The following PRR5 variants were observed in gnomAD, a reference collection of about 807,000 sequenced individuals.
PRR5 encodes the protein proline rich 5.
A neutral mutation model predicts 30.6 loss-of-function variants in PRR5; 25 were observed. The observed-to-expected ratio is 0.82, with a 90% CI of 0.60 to 1.14. The LOEUF is 1.14. Among genes scored for constraint, PRR5 ranks in the 50% most tolerant of loss-of-function variants. PRR5 has a pLI of 0.00. For missense variants in PRR5, 600 were observed against 547.1 expected, an observed-to-expected ratio of 1.10 and a Z score of -0.96; for synonymous variants, 286 against 247.1, an observed-to-expected ratio of 1.16 and a Z score of -1.48.
intron 1 of PRR5, among the ~76,000 whole-genome samples, chr22:44,681,652 G>A (rs990069207): frequency 6.6e-6 from 1 of 152,132 alleles, no homozygotes; most frequent in Admixed American, 6.5e-5. Context: ...GACAGTGCAG[G>A]CACAGCTCTG....
intron 1 of PRR5, among the ~76,000 whole-genome samples, chr22:44,696,428 C>A (rs1925750407): frequency 6.6e-6 from 1 of 152,216 alleles, no homozygotes. Flanking sequence ...TGTTCAAGAC[C>A]TGGCTGACAG....
In PRR5 at chr22:44,731,774, T is replaced by C. The variant is rs779869976; in HGVS notation, c.367T>C (p.Phe123Leu). The C allele has an allele frequency of 6.8e-6, 11 of 1,613,644 alleles. No homozygotes were observed. Among genetic ancestry groups the C allele is most frequent in the Non-Finnish European group, 9.3e-6 (11 of 1,180,022 alleles). ...DSLAETWDFF[F>L]SDVLPMLQAI... is the part of the protein sequence containing the mutation. ...ACTGGCAGAGACCTGGGACTTCTTC[T>C]TCAGTGACGTGCTGCCCATGCTGCA... is the stretch of plus-strand genomic sequence containing the variant. Residue 123 changes from phenylalanine to leucine, a missense_variant, in exon 5 of 8, where the codon TTC (phenylalanine) becomes CTC (leucine). Transcript: ENST00000336985.
chr22:44,736,689 C>T, intron 7 of PRR5, 83 bp from the exon 8 acceptor site: 1 of 1,491,906 alleles, frequency 6.7e-7, no homozygotes, highest in Non-Finnish European at 8.9e-7. Context: ...GCACAGGGAC[C>T]CAGTGTGCAG....
chr22:44,730,359 G>A (rs1921721627), intron 4 of PRR5: 4 of 984,842 alleles, frequency 4.1e-6, no homozygotes, highest in Non-Finnish European at 4.8e-6. Flanking sequence ...GGGGACAGCA[G>A]AGGCCTTGGG....
At chr22:44,676,471 G>C (rs912608970), upstream of PRR5, among the ~76,000 whole-genome samples, 5 of 151,472 alleles carry the variant, frequency 3.3e-5, no homozygotes, top group Admixed American at 3.3e-4. Context: ...AACTGGCTCA[G>C]AGAGTGTGAT....
At position 44,737,343 on chromosome 22, in the gene PRR5, C is replaced by T. The variant is rs73889722; in HGVS notation, c.*96C>T. ...TGAGTGAGACTTTTTTACTGCGTCC[C>T]GTCCCGCCAGCCCTATCGGCCTCGT... On this transcript the variant is annotated 3_prime_UTR_variant, in exon 8 of 8. Transcript: ENST00000336985. 3.0e-3 allele frequency: 4,394 copies of T among 1,475,656 alleles called. 106 individuals are homozygous for T. The African/African-American group carries it at 0.05, about 17-fold the overall frequency. The allele number at this position is 1,475,656 out of a possible 1,614,324, so 91.4% of individuals were successfully genotyped here.
At chr22:44,731,922 C>T (rs1273000163) in intron 5 of PRR5, 101 bp downstream of exon 5, 23 of 1,232,874 alleles carry the variant, frequency 1.9e-5, no homozygotes, top group South Asian at 1.4e-5. Flanking sequence ...GACACACACA[C>T]CTGCTCTGCT....
At chr22:44,734,548 G>T (rs132405) in intron 6 of PRR5, 80,084 of 154,214 alleles carry the variant, frequency 0.52, 23,926 homozygotes, top group Non-Finnish European at 0.66. Flanking sequence ...AGATGATGGC[G>T]TGAGCCAGTG....
rs538937351 is a variant in PRR5 at position 44,688,417 on chromosome 22, T to C, written c.-11+11177T>C. On this transcript the variant is annotated intron_variant, in intron 1 of 8. Coordinates refer to the PRR5 transcript ENST00000006251. ...AAAATATTTCCTGCAATGTTACTATTATACTAGTTAGAGTGCAACTAGTAG... is the reference window on the plus strand; with the variant it reads ...AAAATATTTCCTGCAATGTTACTATCATACTAGTTAGAGTGCAACTAGTAG... Among the ~76,000 whole-genome samples, 62 of 152,240 alleles carry C rather than the reference T, an allele frequency of 4.1e-4. No homozygotes were observed. The South Asian group carries it at 0.012, about 30-fold the overall frequency.
At position 44,702,409 on chromosome 22, in the gene PRR5, G is replaced by C. The variant is rs1372253936; in HGVS notation, c.-66G>C. 2 of 1,234,446 alleles carry C rather than the reference G, an allele frequency of 1.6e-6. No individual in the cohort carries two copies. The allele number at this position is 1,234,446 out of a possible 1,614,324, so 76.5% of individuals were successfully genotyped here. On this transcript the variant is annotated 5_prime_UTR_variant, in exon 1 of 8. Transcript: ENST00000336985. Reference sequence around the variant, plus strand: ...GGCGCATCGCCGGCCCGGGGCCCTTGGTGCGGCGTGGCGCAGGGCGCGGCG... The same window carrying C: ...GGCGCATCGCCGGCCCGGGGCCCTTCGTGCGGCGTGGCGCAGGGCGCGGCG...
chr22:44,702,424 AGGGCGCGGCGTGGGGCGCGCGT>A lies in PRR5; in HGVS notation c.-40_-19del, dbSNP rs766763745. ...CGGGGCCCTTGGTGCGGCGTGGCGCAGGGCGCGGCGTGGGGCGCGCGTGGGCGCGGCGCAGGCGGCCCGGGTC... is the reference window on the plus strand; with the variant it reads ...CGGGGCCCTTGGTGCGGCGTGGCGCAGGGCGCGGCGCAGGCGGCCCGGGTC... On this transcript the variant is annotated 5_prime_UTR_variant, in exon 1 of 8. Transcript: ENST00000336985. 272 of 1,258,874 alleles carry A rather than the reference AGGGCGCGGCGTGGGGCGCGCGT, an allele frequency of 2.2e-4. 5 individuals are homozygous for A. Among genetic ancestry groups the A allele is most frequent in the South Asian group, 2.1e-3 (66 of 31,312 alleles). 78.0% of individuals were successfully genotyped at this position (1,258,874 alleles called of 1,614,324 possible).
chr22:44,688,856 T>C (rs543890613), intron 1 of PRR5, among the ~76,000 whole-genome samples: 2 of 152,138 alleles, frequency 1.3e-5, no homozygotes, highest in South Asian at 2.1e-4. Context: ...GGCATGGTGG[T>C]GCACGCCTGT....
intron 7 of PRR5, 133 bp downstream of exon 7, chr22:44,735,295 GC>G: frequency 2.3e-6 from 3 of 1,302,124 alleles, no homozygotes; most frequent in African/African-American, 3.0e-5. Flanking sequence ...CCGGGCAGCA[GC>G]CCCCAGCCTG....
At chr22:44,732,830 CATA>C (rs1254896500) in intron 6 of PRR5, among the ~76,000 whole-genome samples, 2 of 66,302 alleles carry the variant, frequency 3.0e-5, no homozygotes, top group East Asian at 6.5e-4. Context: ...TGTGCACGCA[CATA>C]CTACACACGT....
intron 1 of PRR5, among the ~76,000 whole-genome samples, chr22:44,693,281 T>A (rs12167480): frequency 6.6e-6 from 1 of 151,994 alleles, no homozygotes; most frequent in Non-Finnish European, 1.5e-5. Context: ...CTTGGCAACA[T>A]AGAAAGACCC....
At position 44,726,612 on chromosome 22, in the gene PRR5, G is replaced by A; in HGVS notation, c.300G>A (p.Arg100=). 6.2e-7 allele frequency: 1 copy of A among 1,614,134 alleles called. No individual in the cohort carries two copies. The highest frequency in any genetic ancestry group is 1.3e-5 in the African/African-American group (1 of 75,052). The stretch of plus-strand genomic sequence containing the variant: ...TGACAAAAGGCATGGTGATCCTTCG[G>A]GACAAGATTCGCTTCTATGAGGGTG... The part of the protein sequence containing the change: ...QLLTKGMVIL[R]DKIRFYEGQK... The change falls in exon 4 of 8, where the codon CGG becomes CGA. Residue 100 remains arginine, a synonymous_variant. Coordinates refer to ENST00000336985, the MANE Select transcript of PRR5 (RefSeq NM_181333.4).
intron 7 of PRR5, among the ~76,000 whole-genome samples, chr22:44,736,022 G>A (rs1009369115): frequency 6.6e-6 from 1 of 152,144 alleles, no homozygotes; most frequent in South Asian, 2.1e-4. Context: ...TGTGTCGCCC[G>A]CCACCTGGTG....
intron 2 of PRR5, among the ~76,000 whole-genome samples, chr22:44,715,643 C>T (rs74200715): frequency 1.3e-5 from 2 of 151,650 alleles, no homozygotes; most frequent in African/African-American, 4.8e-5. Context: ...TGCCAGGGGG[C>T]GGGGTGGGGG....
intron 2 of PRR5, among the ~76,000 whole-genome samples, chr22:44,721,268 G>C (rs1929894582): frequency 6.6e-6 from 1 of 152,196 alleles, no homozygotes; most frequent in Non-Finnish European, 1.5e-5. Flanking sequence ...TCAAGGGCCA[G>C]GTTACAGAAT....
Sources: allele counts gnomAD v4.1 joint callset (sites outside exome capture counted in the v4.1 genomes callset), GRCh38; gene constraint gnomAD v4.1.1; transcripts MANE v1.5; gene names NCBI Gene and HGNC (gene_info 2026-07-23, HGNC 2026-07-21).